Variants in SYCP2L observed in about 807,000 individuals in gnomAD.
SYCP2L encodes synaptonemal complex protein 2 like, also known as synaptonemal complex protein 2-like.
SYCP2L carries 98 observed loss-of-function variants against 125.8 expected under a neutral mutation model. The ratio of observed to expected loss-of-function variants is 0.78; its 90% CI spans 0.66 to 0.92. The LOEUF is 0.92. SYCP2L is among the 40% of genes least tolerant of loss of function. The probability of loss-of-function intolerance (pLI) is 0.00; values close to 1 mark genes in which losing one functional copy is unlikely to be tolerated. For missense variants in SYCP2L, 842 were observed against 936.4 expected, an observed-to-expected ratio of 0.90 and a Z score of 1.32; for synonymous variants, 317 against 325.4, an observed-to-expected ratio of 0.97 and a Z score of 0.28.
At chr6:10,904,919 A>G (rs557100428) in intron 8 of SYCP2L, among the ~76,000 whole-genome samples, 2 of 151,908 alleles carry the variant, frequency 1.3e-5, no homozygotes, top group Non-Finnish European at 2.9e-5. Context: ...AGGTGGGCGG[A>G]TCACTTGAGG....
Position 10,928,396 on chromosome 6 carries a change from G to T in SYCP2L, c.1441-7G>T. 7.1e-7 allele frequency: 1 copy of T among 1,404,662 alleles called. No individual in the cohort carries two copies. Among genetic ancestry groups the T allele is most frequent in the East Asian group, 2.4e-5 (1 of 41,726 alleles). 87.0% of individuals were successfully genotyped at this position (1,404,662 alleles called of 1,614,324 possible). A position where few individuals can be genotyped will look rare whatever the true frequency, so the allele number is the denominator to read the frequency against. On this transcript the variant is annotated splice_region_variant and splice_polypyrimidine_tract_variant and intron_variant, in intron 17 of 29. Transcript: ENST00000283141. ...AAATCTTCACAATCCACGTTCTTCT[G>T]CCATAGCTTCAGCCGGTCCCTCCGT...
chr6:10,959,589 G>A (rs766147266), intron 26 of SYCP2L, among the ~76,000 whole-genome samples: 7 of 152,214 alleles, frequency 4.6e-5, no homozygotes, highest in Non-Finnish European at 8.8e-5. Flanking sequence ...GAAAACACCA[G>A]CCAGGCGTGG....
intron 2 of SYCP2L, 76 bp downstream of exon 2, chr6:10,891,657 G>GTATTCTTTCTAGTTC: frequency 9.2e-6 from 7 of 758,404 alleles, no homozygotes; most frequent in South Asian, 2.1e-5. Context: ...GTGTGTGTGT[G>GTATTCTTTCTAGTTC]TGTGTGTATG....
Position 10,910,837 on chromosome 6 carries a change from C to A in SYCP2L, c.886C>A (p.Pro296Thr). ...LGDQRRVYSF[P>T]CIAAFADEHE... ...GGTATTTTGCAGGGTGTATTCATTT[C>A]CGTGTATTGCTGCTTTTGCTGATGA... is the stretch of plus-strand genomic sequence containing the variant. The change falls in exon 12 of 30, where the codon CCG (proline) becomes ACG (threonine). Residue 296 changes from proline (P) to threonine (T), a missense_variant. Coordinates refer to ENST00000283141, the MANE Select transcript of SYCP2L (RefSeq NM_001040274.3). The A allele has an allele frequency of 6.2e-7, 1 of 1,613,720 alleles. No homozygotes were observed. Among genetic ancestry groups the A allele is most frequent in the Non-Finnish European group, 8.5e-7 (1 of 1,179,888 alleles).
intron 16 of SYCP2L, among the ~76,000 whole-genome samples, chr6:10,926,959 T>C (rs1309175240): frequency 2.0e-5 from 3 of 152,144 alleles, no homozygotes; most frequent in African/African-American, 7.2e-5. Flanking sequence ...TTTTGTATTT[T>C]CAGCAGAGAC....
Position 10,902,723 on chromosome 6 carries a change from G to C in SYCP2L, c.513G>C (p.Leu171=). ...LDSFLLSLGF[L]VTEKTVNHLL... ...CCTTCCTACTTAGCTTAGGATTCCT[G>C]GTGACAGAAAAGACTGTAAATCATT... Residue 171 remains leucine (L), a synonymous_variant, in exon 7 of 30, where the codon CTG becomes CTC. Coordinates refer to ENST00000283141, the MANE Select transcript of SYCP2L (RefSeq NM_001040274.3). 1.2e-6 allele frequency: 2 copies of C among 1,614,128 alleles called. No homozygotes were observed. Among genetic ancestry groups the C allele is most frequent in the Non-Finnish European group, 1.7e-6 (2 of 1,180,012 alleles).
In SYCP2L at chr6:10,947,378, A is replaced by C. The variant is rs190210436; in HGVS notation, c.1954+4632A>C. ...AAATATATAAGTTAACTTGAAGAGA[A>C]GTGACATCTTTAAAATATTAAACCA... On this transcript the variant is annotated intron_variant, in intron 23 of 29. Coordinates refer to ENST00000283141, the MANE Select transcript of SYCP2L (RefSeq NM_001040274.3). Among the ~76,000 whole-genome samples, 471 of 152,214 alleles carry C rather than the reference A, an allele frequency of 3.1e-3. 1 individual carries two copies. Among genetic ancestry groups the C allele is most frequent in the Non-Finnish European group, 5.0e-3 (337 of 67,928 alleles).
chr6:10,915,613 T>C (rs1050811294), intron 14 of SYCP2L, among the ~76,000 whole-genome samples: 1 of 152,230 alleles, frequency 6.6e-6, no homozygotes, highest in Non-Finnish European at 1.5e-5. Context: ...GTTTTTGTGG[T>C]GTATCACATT....
At position 10,963,866 on chromosome 6, in the gene SYCP2L, T is replaced by G. The variant is rs780398354; in HGVS notation, c.*37+23T>G. 8.2e-6 allele frequency: 13 copies of G among 1,586,928 alleles called. No individual in the cohort carries two copies. In the Admixed American group the frequency reaches 2.2e-4, roughly 27 times the overall value. On this transcript the variant is annotated intron_variant, in intron 29 of 29. Coordinates refer to ENST00000283141, the MANE Select transcript of SYCP2L (RefSeq NM_001040274.3). ...CAGGTAGGTGCAAAGATTTGCATTGTTCAGTGGATGTGAATCGGGGTCAGG... is the reference window on the plus strand; with the variant it reads ...CAGGTAGGTGCAAAGATTTGCATTGGTCAGTGGATGTGAATCGGGGTCAGG...
chr6:10,932,007 T>TTTA (rs1260926753), intron 20 of SYCP2L, among the ~76,000 whole-genome samples: 1,935 of 148,742 alleles, frequency 0.013, 49 homozygotes, highest in African/African-American at 0.046. Context: ...TTTTTTTTTT[T>TTTA]AACTGTTCCC....
intron 4 of SYCP2L, among the ~76,000 whole-genome samples, chr6:10,895,408 G>T (rs1020036292): frequency 7.9e-5 from 12 of 152,228 alleles, no homozygotes; most frequent in South Asian, 2.1e-4. Flanking sequence ...GGGTCGGGTC[G>T]TACAATCTAA....
At chr6:10,940,663 G>A (rs1241295556) in intron 21 of SYCP2L, among the ~76,000 whole-genome samples, 1 of 152,104 alleles carries the variant, frequency 6.6e-6, no homozygotes, top group African/African-American at 2.4e-5. Flanking sequence ...AACAGTGGTT[G>A]CCAGGTGCTA....
intron 21 of SYCP2L, among the ~76,000 whole-genome samples, chr6:10,937,549 A>G (rs1337342460): frequency 6.6e-6 from 1 of 152,316 alleles, no homozygotes; most frequent in African/African-American, 2.4e-5. Flanking sequence ...ACCCAAAGTC[A>G]GCTTAACGAA....
intron 1 of SYCP2L, among the ~76,000 whole-genome samples, chr6:10,889,470 T>C (rs1418187569): frequency 6.6e-6 from 1 of 152,174 alleles, no homozygotes; most frequent in Admixed American, 6.5e-5. Flanking sequence ...CAATAAGTTG[T>C]ACATTATAGT....
chr6:10,938,201 G>A (rs1781136947), intron 21 of SYCP2L, among the ~76,000 whole-genome samples: 1 of 152,080 alleles, frequency 6.6e-6, no homozygotes, highest in African/African-American at 2.4e-5. Flanking sequence ...ACATTAAAAG[G>A]ACTATACACC....
At chr6:10,911,920 G>A (rs78425021) in intron 12 of SYCP2L, among the ~76,000 whole-genome samples, 4 of 3,054 alleles carry the variant, frequency 1.3e-3, no homozygotes, top group African/African-American at 2.9e-3. Flanking sequence ...TTTTTTTTTT[G>A]AGACGGAGTC....
chr6:10,921,334 T>C (rs921043663), intron 14 of SYCP2L, among the ~76,000 whole-genome samples: 2 of 152,358 alleles, frequency 1.3e-5, no homozygotes, highest in East Asian at 3.9e-4. Flanking sequence ...AGTGCTGCAA[T>C]GAACATAGGT....
At chr6:10,942,834 A>T in intron 23 of SYCP2L, 88 bp downstream of exon 23, 1 of 1,209,516 alleles carries the variant, frequency 8.3e-7, no homozygotes, top group African/African-American at 1.5e-5. Context: ...CTCAGATTGC[A>T]GATCAAGTCA....
chr6:10,972,128 T>C (rs1781784771), intron 29 of SYCP2L, among the ~76,000 whole-genome samples: 1 of 152,240 alleles, frequency 6.6e-6, no homozygotes, highest in African/African-American at 2.4e-5. Flanking sequence ...TATATATTTT[T>C]CCCTATAATG....
Sources: allele counts gnomAD v4.1 joint callset (sites outside exome capture counted in the v4.1 genomes callset), GRCh38; gene constraint gnomAD v4.1.1; transcripts MANE v1.5; gene names NCBI Gene and HGNC (gene_info 2026-07-23, HGNC 2026-07-21).